TRPC3: variants seen among roughly 807,000 people sequenced by gnomAD.
TRPC3 encodes short transient receptor potential channel 3.
In TRPC3, 54 loss-of-function variants were observed where a neutral mutation model predicts 90.9. The observed-to-expected ratio is 0.59, with a 90% confidence interval of 0.48 to 0.75. The LOEUF is 0.75. Ranked by LOEUF, TRPC3 falls within the 30% of genes least tolerant of loss-of-function variation. TRPC3 has a pLI of 0.00. For missense variants in TRPC3, 918 were observed against 1,194.5 expected (o/e 0.77, Z 3.41); for synonymous variants, 424 against 450.9 (o/e 0.94, Z 0.75).
At chr4:121,939,025 C>T (rs1730220500) in intron 1 of TRPC3, among the ~76,000 whole-genome samples, 1 of 152,136 alleles carries the variant, frequency 6.6e-6, no homozygotes, top group African/African-American at 2.4e-5. Context: ...TATTATTCTG[C>T]CATTTCTGTA....
chr4:121,934,712 G>A (rs550704940), intron 1 of TRPC3, among the ~76,000 whole-genome samples: 2 of 152,150 alleles, frequency 1.3e-5, no homozygotes, highest in Non-Finnish European at 2.9e-5. Flanking sequence ...AGCTTCCCTG[G>A]CAAGAGGAAT....
chr4:121,883,141 T>C (rs1040475293), intron 10 of TRPC3, among the ~76,000 whole-genome samples: 53 of 152,072 alleles, frequency 3.5e-4, no homozygotes, highest in African/African-American at 1.1e-3. Context: ...AAAAATTAAT[T>C]CCATTTGCAT....
chr4:121,943,895 C>G (rs568518946), intron 1 of TRPC3, among the ~76,000 whole-genome samples: 1 of 145,590 alleles, frequency 6.9e-6, no homozygotes, highest in African/African-American at 2.5e-5. Flanking sequence ...ATTATTTGAA[C>G]AGTGCAAAGA....
At chr4:121,922,952 G>A (rs1040961594) in intron 3 of TRPC3, among the ~76,000 whole-genome samples, 1 of 152,192 alleles carries the variant, frequency 6.6e-6, no homozygotes, top group Non-Finnish European at 1.5e-5. Context: ...ACTATCTTAT[G>A]AAGTAGAGAA....
At chr4:121,880,703 C>A (rs1322373332) in intron 11 of TRPC3, among the ~76,000 whole-genome samples, 1 of 152,100 alleles carries the variant, frequency 6.6e-6, no homozygotes, top group Non-Finnish European at 1.5e-5. Flanking sequence ...TGTAGATAAA[C>A]CACTGACCTT....
At chr4:121,898,350 C>A (rs1728588986) in intron 10 of TRPC3, among the ~76,000 whole-genome samples, 1 of 152,196 alleles carries the variant, frequency 6.6e-6, no homozygotes. Context: ...CGAGCATTAC[C>A]GCTTGAGCTC....
At position 121,877,933 on chromosome 4, in the gene TRPC3, C is replaced by T. The variant is rs1182768694; in HGVS notation, c.*1803G>A. Among the ~76,000 whole-genome samples, 9 of 151,996 alleles carry T rather than the reference C, an allele frequency of 5.9e-5. No homozygotes were observed. Among genetic ancestry groups the T allele is most frequent in the Non-Finnish European group, 1.3e-4 (9 of 67,998 alleles). On this transcript the variant is annotated 3_prime_UTR_variant, in exon 12 of 12. Coordinates refer to ENST00000379645, the MANE Select transcript of TRPC3 (RefSeq NM_001130698.2). ...TTTTTCATTCAACATTTTTTCCAAC[C>T]GCAAAGAAGAAAATTACAAAATATT...
chr4:121,947,183 CAAA>C (rs11457162), intron 1 of TRPC3, among the ~76,000 whole-genome samples: 5 of 92,026 alleles, frequency 5.4e-5, no homozygotes, highest in Admixed American at 1.3e-4. Flanking sequence ...GACTCTGTCT[CAAA>C]AAAAAAAAAA....
At chr4:121,939,069 T>C (rs1042218020) in intron 1 of TRPC3, among the ~76,000 whole-genome samples, 1 of 152,170 alleles carries the variant, frequency 6.6e-6, no homozygotes, top group South Asian at 2.1e-4. Context: ...ATTAAGGACA[T>C]TTGTTGAAAA....
intron 1 of TRPC3, among the ~76,000 whole-genome samples, chr4:121,950,302 A>G (rs1188218776): frequency 6.6e-6 from 1 of 152,202 alleles, no homozygotes; most frequent in Non-Finnish European, 1.5e-5. Flanking sequence ...CTGGGGATGC[A>G]GGGGTCATCC....
intron 1 of TRPC3, among the ~76,000 whole-genome samples, chr4:121,942,883 C>T (rs780416562): frequency 7.2e-5 from 11 of 152,298 alleles, no homozygotes; most frequent in East Asian, 1.9e-4. Context: ...ACTTCTTAAA[C>T]GAACGTATGT....
At chr4:121,913,074 A>G (rs1729167406) in intron 4 of TRPC3, among the ~76,000 whole-genome samples, 1 of 152,246 alleles carries the variant, frequency 6.6e-6, no homozygotes, top group Non-Finnish European at 1.5e-5. Context: ...ATGGGATGTC[A>G]ATAAATGATG....
At chr4:121,904,264 T>A in intron 8 of TRPC3, 58 bp downstream of exon 8, 1 of 1,479,630 alleles carries the variant, frequency 6.8e-7, no homozygotes, top group Middle Eastern at 1.8e-4. Context: ...CAGAAGCAGA[T>A]GTGTACTATC....
intron 10 of TRPC3, among the ~76,000 whole-genome samples, chr4:121,891,156 C>T (rs2149109384): frequency 6.6e-6 from 1 of 152,198 alleles, no homozygotes; most frequent in East Asian, 1.9e-4. Flanking sequence ...TCAGGCTGGC[C>T]TCAAACTCTT....
chr4:121,895,907 T>C (rs1247895706), intron 10 of TRPC3, among the ~76,000 whole-genome samples: 1 of 152,028 alleles, frequency 6.6e-6, no homozygotes, highest in Non-Finnish European at 1.5e-5. Flanking sequence ...ATATCCCTGA[T>C]GAACATAGAT....
Position 121,920,496 on chromosome 4 carries a change from C to G in TRPC3, c.1176+4522G>C, listed in dbSNP as rs188916843. Among the ~76,000 whole-genome samples the G allele has an allele frequency of 2.6e-5, 4 of 152,014 alleles. No homozygotes were observed. The East Asian group carries it at 7.7e-4, about 29-fold the overall frequency. ...CCAAGATCTCGCCACTGCACTCAAG[C>G]CTGGGAGACAGAGTGAGACTCCATT... On this transcript the variant is annotated intron_variant, in intron 3 of 11. Coordinates refer to ENST00000379645, the MANE Select transcript of TRPC3 (RefSeq NM_001130698.2).
chr4:121,910,876 T>C (rs192995253), intron 5 of TRPC3, among the ~76,000 whole-genome samples: 1 of 152,318 alleles, frequency 6.6e-6, no homozygotes, highest in East Asian at 1.9e-4. Flanking sequence ...TCTTATCCTC[T>C]CTTCTCATTT....
intron 10 of TRPC3, among the ~76,000 whole-genome samples, chr4:121,886,793 C>A (rs1400680446): frequency 6.6e-6 from 1 of 151,552 alleles, no homozygotes; most frequent in African/African-American, 2.4e-5. Context: ...GTTCTGTTGA[C>A]CTAAAGAAAA....
chr4:121,923,446 A>G (rs549019219), intron 3 of TRPC3, among the ~76,000 whole-genome samples: 3 of 152,302 alleles, frequency 2.0e-5, no homozygotes, highest in African/African-American at 2.4e-5. Flanking sequence ...GATTCAGTAC[A>G]AGGGGCATGA....
Sources: allele counts gnomAD v4.1 joint callset (sites outside exome capture counted in the v4.1 genomes callset), GRCh38; gene constraint gnomAD v4.1.1; transcripts MANE v1.5; gene names NCBI Gene and HGNC (gene_info 2026-07-23, HGNC 2026-07-21).